The following RELN variants were observed in gnomAD, a reference collection of about 807,000 sequenced individuals.
RELN encodes reelin.
A neutral mutation model predicts 427.6 loss-of-function variants in RELN; 108 were observed. That is an observed-to-expected ratio of 0.25 (90% CI 0.22 to 0.30). RELN has a LOEUF of 0.30. RELN is among the 10% of genes least tolerant of loss of function. RELN has a pLI of 1.00. For synonymous variants in RELN, 1,524 were observed against 1,513.4 expected, an observed-to-expected ratio of 1.01 and a Z score of -0.16; for missense variants, 3,715 against 4,302.8, an observed-to-expected ratio of 0.86 and a Z score of 3.82.
chr7:103,734,068 A>G (rs1790430820), intron 6 of RELN, among the ~76,000 whole-genome samples: 1 of 152,138 alleles, frequency 6.6e-6, no homozygotes, highest in South Asian at 2.1e-4. Flanking sequence ...AATTTTCTTT[A>G]GGCTCAGTGC....
In RELN at chr7:103,694,164, T is replaced by C. The variant is rs188793263; in HGVS notation, c.1143+3689A>G. On this transcript the variant is annotated intron_variant, in intron 10 of 64. Transcript: ENST00000428762. ...AGACTTGAGAAAAACAAGAATCTTTTAACCTACAGCCAGAGAGTGATGGGG... is the reference window on the plus strand; with the variant it reads ...AGACTTGAGAAAAACAAGAATCTTTCAACCTACAGCCAGAGAGTGATGGGG... Among the ~76,000 whole-genome samples the C allele has an allele frequency of 2.9e-3, 444 of 152,218 alleles. 7 individuals carry two copies. Among genetic ancestry groups the C allele is most frequent in the South Asian group, 0.026 (126 of 4,822 alleles).
chr7:103,890,802 G>A (rs1794831674), intron 2 of RELN, among the ~76,000 whole-genome samples: 1 of 152,142 alleles, frequency 6.6e-6, no homozygotes, highest in Non-Finnish European at 1.5e-5. Context: ...CATTGTCCAG[G>A]CACGATGGCC....
In RELN at chr7:103,593,732, C is replaced by T; in HGVS notation, c.3862G>A (p.Ala1288Thr). ...TTCAGGGTCAAATCTCGAGTTACTG[C>T]AAATCGATCTCCATCTGATTTTCCA... Reference protein sequence around the residue: ...IFGKSDGDRFAVTRDLTLKPG... With the variant: ...IFGKSDGDRFTVTRDLTLKPG... Residue 1288 changes from alanine (A) to threonine (T), a missense_variant, in exon 27 of 65, where the codon GCA becomes ACA. Ala to Thr is a moderately conservative substitution (Grantham distance 58). Coordinates refer to ENST00000428762, the MANE Select transcript of RELN (RefSeq NM_005045.4). 2.0e-5 allele frequency: 32 copies of T among 1,614,006 alleles called. No individual in the cohort carries two copies. Among genetic ancestry groups the T allele is most frequent in the Non-Finnish European group, 2.7e-5 (32 of 1,179,922 alleles).
intron 7 of RELN, among the ~76,000 whole-genome samples, chr7:103,725,448 A>G (rs62482646): frequency 7.1e-4 from 60 of 84,374 alleles, no homozygotes; most frequent in Non-Finnish European, 9.4e-4. Flanking sequence ...CCAGCTACTT[A>G]GGAGGCTGAG....
chr7:103,520,956 T>C (rs893268510), intron 48 of RELN, among the ~76,000 whole-genome samples: 1 of 119,710 alleles, frequency 8.4e-6, no homozygotes, highest in South Asian at 2.9e-4. Flanking sequence ...GTAAATTTGT[T>C]ATTTTTTTTT....
At chr7:103,980,697 T>TG (rs1220128309) in intron 1 of RELN, among the ~76,000 whole-genome samples, 9 of 152,236 alleles carry the variant, frequency 5.9e-5, no homozygotes, top group African/African-American at 2.2e-4. Flanking sequence ...ATTACATGAA[T>TG]TAATATGTGT....
intron 16 of RELN, among the ~76,000 whole-genome samples, chr7:103,649,301 T>A (rs990533397): frequency 6.6e-6 from 1 of 152,054 alleles, no homozygotes; most frequent in Non-Finnish European, 1.5e-5. Flanking sequence ...TAGCTGGAAC[T>A]GGAGGCCATT....
intron 28 of RELN, among the ~76,000 whole-genome samples, chr7:103,583,957 C>G (rs541305977): frequency 6.6e-6 from 1 of 152,346 alleles, no homozygotes; most frequent in East Asian, 1.9e-4. Context: ...CTCCTGAGAC[C>G]TGAATAGCTG....
chr7:103,820,954 T>C (rs546189383), intron 3 of RELN, among the ~76,000 whole-genome samples: 3 of 152,242 alleles, frequency 2.0e-5, no homozygotes, highest in Admixed American at 6.5e-5. Flanking sequence ...AAATGTTTTA[T>C]TCTTTTATTT....
At chr7:103,763,711 G>C (rs1307247211) in intron 4 of RELN, among the ~76,000 whole-genome samples, 1 of 152,142 alleles carries the variant, frequency 6.6e-6, no homozygotes, top group African/African-American at 2.4e-5. Context: ...CTGAAATAAA[G>C]AGTCTGGTGT....
chr7:103,882,263 G>A (rs915447902), intron 2 of RELN, among the ~76,000 whole-genome samples: 2 of 152,046 alleles, frequency 1.3e-5, no homozygotes, highest in Non-Finnish European at 2.9e-5. Flanking sequence ...ATACATATTT[G>A]CTCTTGAGTG....
intron 1 of RELN, among the ~76,000 whole-genome samples, chr7:103,973,134 T>C (rs1796799402): frequency 6.6e-6 from 1 of 152,212 alleles, no homozygotes; most frequent in Non-Finnish European, 1.5e-5. Context: ...GCATTTGCAC[T>C]CAACTGTCAC....
intron 13 of RELN, among the ~76,000 whole-genome samples, 163 bp downstream of exon 13, chr7:103,653,930 G>GA (rs764480256): frequency 5.9e-5 from 9 of 152,014 alleles, no homozygotes; most frequent in Non-Finnish European, 1.2e-4. Flanking sequence ...GAAAAAATAT[G>GA]AAGGTTAAAA....
At chr7:103,935,137 C>T (rs1041817569) in intron 1 of RELN, among the ~76,000 whole-genome samples, 1 of 152,128 alleles carries the variant, frequency 6.6e-6, no homozygotes, top group Non-Finnish European at 1.5e-5. Context: ...AAGTACATTC[C>T]AGTTTCTGGA....
Position 103,936,574 on chromosome 7 carries a change from C to T in RELN, c.227-19389G>A, listed in dbSNP as rs529324187. 1.4e-4 allele frequency among the ~76,000 whole-genome samples: 22 copies of T among 152,150 alleles called. 1 individual carries two copies. Among genetic ancestry groups the T allele is most frequent in the Admixed American group, 3.3e-4 (5 of 15,266 alleles). On this transcript the variant is annotated intron_variant, in intron 1 of 64. Coordinates refer to ENST00000428762, the MANE Select transcript of RELN (RefSeq NM_005045.4). ...ATAAGACAAAATCCTCAGCAATGGC[C>T]GACAAATCCTTGCTTACTATTCAGC...
At chr7:103,963,220 C>G (rs1315924902) in intron 1 of RELN, among the ~76,000 whole-genome samples, 1 of 150,406 alleles carries the variant, frequency 6.6e-6, no homozygotes, top group Non-Finnish European at 1.5e-5. Context: ...CCTATACAAG[C>G]CTTTTCTGGA....
intron 50 of RELN, among the ~76,000 whole-genome samples, chr7:103,511,596 G>C (rs1240642448): frequency 6.6e-6 from 1 of 152,014 alleles, no homozygotes; most frequent in Admixed American, 6.6e-5. Context: ...CATACATCTT[G>C]GCTGGGTATG....
rs1554395944 is a variant in RELN at position 103,640,461 on chromosome 7, A to T, written c.2069+82T>A. ...TTAAAAAGATCCCCGATCCTAAAAA[A>T]GGTTATTAAATGACTTGCGACTTCA... On this transcript the variant is annotated intron_variant, in intron 17 of 64. Coordinates refer to ENST00000428762, the MANE Select transcript of RELN (RefSeq NM_005045.4). The surrounding 1 kb of genome is among the most constrained non-coding windows in gnomAD (Gnocchi z 4.1). 3 of 1,367,978 alleles carry T rather than the reference A, an allele frequency of 2.2e-6. No homozygotes were observed. Among genetic ancestry groups the T allele is most frequent in the Non-Finnish European group, 3.1e-6 (3 of 958,742 alleles). 84.7% of individuals were successfully genotyped at this position (1,367,978 alleles called of 1,614,324 possible). A position where few individuals can be genotyped will look rare whatever the true frequency, so the allele number is the denominator to read the frequency against.
At chr7:103,929,681 C>T (rs757891275) in intron 1 of RELN, among the ~76,000 whole-genome samples, 9 of 152,170 alleles carry the variant, frequency 5.9e-5, no homozygotes, top group Non-Finnish European at 8.8e-5. Flanking sequence ...CACATCACTA[C>T]CTTCAGCACT....
Sources: gnomAD v4.1 joint callset for allele counts (sites outside exome capture counted in the v4.1 genomes callset) on GRCh38, gnomAD v4.1.1 for gene constraint, Gnocchi (gnomAD v3.1) non-coding constraint, MANE v1.5 for transcripts, NCBI Gene and HGNC (gene_info 2026-07-23, HGNC 2026-07-21) for gene names.